Variants in ADAMTSL3 observed in about 807,000 individuals in gnomAD.
ADAMTSL3 encodes the protein ADAMTS like 3.
A neutral mutation model predicts 201.7 loss-of-function variants in ADAMTSL3; 128 were observed. The ratio of observed to expected loss-of-function variants is 0.63; its 90% CI spans 0.55 to 0.73. ADAMTSL3 has a LOEUF of 0.73. Ranked by LOEUF, ADAMTSL3 falls within the 30% of genes least tolerant of loss-of-function variation. The pLI, the probability that ADAMTSL3 is intolerant of heterozygous loss-of-function variation, is 0.00. For synonymous variants in ADAMTSL3, 738 were observed against 748.4 expected (o/e 0.99, Z 0.23); for missense variants, 1,990 against 2,119.6 (o/e 0.94, Z 1.20).
intron 6 of ADAMTSL3, among the ~76,000 whole-genome samples, chr15:83,833,742 G>A (rs1338343564): frequency 1.3e-5 from 2 of 152,170 alleles, no homozygotes; most frequent in Non-Finnish European, 2.9e-5. Context: ...TTAGTACGGG[G>A]ATTAAAACTC....
At chr15:83,860,743 C>G (rs188926580) in intron 8 of ADAMTSL3, among the ~76,000 whole-genome samples, 1 of 152,168 alleles carries the variant, frequency 6.6e-6, no homozygotes, top group African/African-American at 2.4e-5. Context: ...GCATGAGTGA[C>G]GTAGAAGACG....
intron 7 of ADAMTSL3, among the ~76,000 whole-genome samples, chr15:83,842,066 T>G (rs2064390815): frequency 6.6e-6 from 1 of 151,184 alleles, no homozygotes; most frequent in Non-Finnish European, 1.5e-5. Flanking sequence ...CCCTTCTGCC[T>G]TCCCATCCAT....
chr15:83,835,418 G>C (rs2064248569), intron 6 of ADAMTSL3, among the ~76,000 whole-genome samples: 2 of 151,854 alleles, frequency 1.3e-5, no homozygotes. Flanking sequence ...ATAACATTTG[G>C]ATGAATTGTA....
chr15:83,756,514 G>T (rs557402610), intron 3 of ADAMTSL3, among the ~76,000 whole-genome samples: 1 of 152,044 alleles, frequency 6.6e-6, no homozygotes, highest in Non-Finnish European at 1.5e-5. Flanking sequence ...CCTCCACGGG[G>T]TCCCTCCAAT....
chr15:83,860,545 A>G (rs925181259), intron 8 of ADAMTSL3, among the ~76,000 whole-genome samples: 5 of 152,254 alleles, frequency 3.3e-5, no homozygotes, highest in African/African-American at 1.2e-4. Context: ...GATGCTTAAA[A>G]AACAAAAAAA....
At chr15:83,988,993 A>T (rs944157422) in intron 22 of ADAMTSL3, among the ~76,000 whole-genome samples, 175 bp downstream of exon 22, 1 of 150,136 alleles carries the variant, frequency 6.7e-6, no homozygotes, top group Non-Finnish European at 1.5e-5. Flanking sequence ...GCCATTCTCC[A>T]GCCTCAGCCT....
chr15:83,836,797 G>T (rs2064277870), intron 6 of ADAMTSL3, among the ~76,000 whole-genome samples: 1 of 152,164 alleles, frequency 6.6e-6, no homozygotes, highest in Non-Finnish European at 1.5e-5. Flanking sequence ...GTCTCTGAGA[G>T]TTTGAATTTT....
chr15:83,949,581 T>G (rs2066721203), intron 19 of ADAMTSL3, among the ~76,000 whole-genome samples: 1 of 152,132 alleles, frequency 6.6e-6, no homozygotes, highest in South Asian at 2.1e-4. Flanking sequence ...TTGAGGAACC[T>G]CCAAACTGTT....
intron 17 of ADAMTSL3, among the ~76,000 whole-genome samples, chr15:83,936,980 C>A (rs1326186280): frequency 6.6e-6 from 1 of 150,802 alleles, no homozygotes; most frequent in African/African-American, 2.5e-5. Context: ...TCTCACCAGT[C>A]AGATGGCTAT....
intron 8 of ADAMTSL3, among the ~76,000 whole-genome samples, chr15:83,868,693 CAAATT>C (rs1194892433): frequency 1.3e-5 from 2 of 152,076 alleles, no homozygotes; most frequent in Non-Finnish European, 2.9e-5. Flanking sequence ...TTGAAATACT[CAAATT>C]AAAAATATTT....
intron 7 of ADAMTSL3, among the ~76,000 whole-genome samples, chr15:83,845,423 AGTGG>A (rs1412842192): frequency 6.6e-6 from 1 of 152,206 alleles, no homozygotes; most frequent in Non-Finnish European, 1.5e-5. Context: ...TTATGATTTC[AGTGG>A]GACTAAATGA....
chr15:83,665,993 T>C (rs996049490), intron 2 of ADAMTSL3, among the ~76,000 whole-genome samples: 1 of 152,162 alleles, frequency 6.6e-6, no homozygotes, highest in East Asian at 1.9e-4. Context: ...AAACAGCACA[T>C]ATTCATTATA....
chr15:83,746,391 C>T (rs779977531), intron 3 of ADAMTSL3, among the ~76,000 whole-genome samples: 12 of 151,692 alleles, frequency 7.9e-5, no homozygotes, highest in African/African-American at 2.9e-4. Flanking sequence ...TTATGATTCA[C>T]CACCTGGGGT....
intron 23 of ADAMTSL3, among the ~76,000 whole-genome samples, chr15:84,005,193 C>T (rs1227701463): frequency 6.6e-6 from 1 of 152,200 alleles, no homozygotes; most frequent in African/African-American, 2.4e-5. Flanking sequence ...ACATAGTCCT[C>T]TGGGGTTTTG....
At chr15:83,655,602 C>G in intron 1 of ADAMTSL3, 127 bp from the exon 2 acceptor site, 5 of 681,448 alleles carry the variant, frequency 7.3e-6, no homozygotes, top group Non-Finnish European at 1.3e-5. Flanking sequence ...GCAACCTGGG[C>G]CAACACAAAC....
rs2063837402 is a variant in ADAMTSL3 at position 83,820,082 on chromosome 15, G to T, written c.600+35G>T. 4 of 1,558,102 alleles carry T rather than the reference G, an allele frequency of 2.6e-6. No homozygotes were observed. In the African/African-American group the frequency reaches 4.1e-5, roughly 16 times the overall value. ...CTTACCTCCCAATCCCCTGCTTTGG[G>T]GATGTGCCACGCCTACTGTCAATAA... On this transcript the variant is annotated intron_variant, in intron 6 of 29. Coordinates refer to ENST00000286744, the MANE Select transcript of ADAMTSL3 (RefSeq NM_207517.3).
At chr15:83,819,143 G>A (rs756667995) in intron 5 of ADAMTSL3, among the ~76,000 whole-genome samples, 1 of 151,468 alleles carries the variant, frequency 6.6e-6, no homozygotes, top group Admixed American at 6.6e-5. Flanking sequence ...GGTGGCGGGC[G>A]CCTGTAGTCC....
intron 16 of ADAMTSL3, among the ~76,000 whole-genome samples, chr15:83,920,790 A>G (rs1385277418): frequency 6.6e-6 from 1 of 152,154 alleles, no homozygotes; most frequent in Admixed American, 6.5e-5. Flanking sequence ...CTATACCTTT[A>G]AATAATTTTA....
At chr15:83,802,915 ATACT>A (rs1360926739) in intron 4 of ADAMTSL3, among the ~76,000 whole-genome samples, 7 of 152,354 alleles carry the variant, frequency 4.6e-5, no homozygotes, top group African/African-American at 1.4e-4. Context: ...CAATGTGAAC[ATACT>A]TAAACACTGA....
Sources: allele counts gnomAD v4.1 joint callset (sites outside exome capture counted in the v4.1 genomes callset), GRCh38; gene constraint gnomAD v4.1.1; transcripts MANE v1.5; gene names NCBI Gene and HGNC (gene_info 2026-07-23, HGNC 2026-07-21).